The following TCF4 variants were observed in gnomAD, a reference collection of about 807,000 sequenced individuals.
TCF4 encodes the protein SL3-3 enhancer factor 2.
A neutral mutation model predicts 82.1 loss-of-function variants in TCF4; 3 were observed. That is an observed-to-expected ratio of 0.04 (90% CI 0.02 to 0.09). The LOEUF (loss-of-function observed/expected upper bound fraction) is 0.09, where lower values mean the gene tolerates loss of function less well. Ranked by LOEUF, TCF4 falls within the 10% of genes least tolerant of loss-of-function variation. The pLI is 1.00. For missense variants in TCF4, 518 were observed against 852.7 expected (o/e 0.61, Z 4.89); for synonymous variants, 276 against 309.6 (o/e 0.89, Z 1.14).
At chr18:55,233,686 C>CA (rs2048517453) in intron 16 of TCF4, among the ~76,000 whole-genome samples, 1 of 151,710 alleles carries the variant, frequency 6.6e-6, no homozygotes, top group African/African-American at 2.4e-5. Context: ...CATGGTGATG[C>CA]ATGTCTGTAA....
chr18:55,571,761 T>C (rs1212340838), intron 3 of TCF4, among the ~76,000 whole-genome samples: 1 of 150,900 alleles, frequency 6.6e-6, no homozygotes, highest in Admixed American at 6.6e-5. Flanking sequence ...TGTTATTATA[T>C]GTTTTGTTTT....
chr18:55,366,214 T>G (rs1165311343), intron 6 of TCF4, among the ~76,000 whole-genome samples: 1 of 152,346 alleles, frequency 6.6e-6, no homozygotes, highest in South Asian at 2.1e-4. Flanking sequence ...ATTTGTTCAT[T>G]TGAAGGTTCA....
At chr18:55,586,009 G>T in intron 2 of TCF4, 1 of 1,349,426 alleles carries the variant, frequency 7.4e-7, no homozygotes, top group South Asian at 1.4e-5. Flanking sequence ...GCAAAGGAAC[G>T]AATGGAGAAA....
At chr18:55,546,105 G>A (rs1033036465) in intron 3 of TCF4, among the ~76,000 whole-genome samples, 4 of 152,166 alleles carry the variant, frequency 2.6e-5, no homozygotes, top group Non-Finnish European at 4.4e-5. Context: ...GGAGGCCGAG[G>A]CAGGAGAATG....
rs914634777 is a variant in TCF4, at chr18:55,225,593, T to G, written c.*2442A>C. 1 of 152,570 alleles carries G rather than the reference T, an allele frequency of 6.6e-6. No homozygotes were observed. The highest frequency in any genetic ancestry group is 2.4e-5 in the African/African-American group (1 of 41,440). The allele number at this position is 152,570 out of a possible 1,614,324, so 9.5% of individuals were successfully genotyped here. On this transcript the variant is annotated 3_prime_UTR_variant, in exon 20 of 20. Coordinates refer to ENST00000354452, the MANE Select transcript of TCF4 (RefSeq NM_001083962.2). ...TAGACTATACAAAATGAGTGCAGAA[T>G]GTACCACTAAAAGGAAATCTTTAAC...
intron 5 of TCF4, among the ~76,000 whole-genome samples, chr18:55,432,790 C>T (rs2095240983): frequency 6.6e-6 from 1 of 152,146 alleles, no homozygotes; most frequent in Non-Finnish European, 1.5e-5. Context: ...ACCTGAATTC[C>T]ACAGAGGAGT....
chr18:55,351,767 A>G (rs1047758268), intron 6 of TCF4: 3 of 737,250 alleles, frequency 4.1e-6, no homozygotes, highest in Non-Finnish European at 5.0e-6. Context: ...ATAATATTAC[A>G]TTTTCTAAAA....
At chr18:55,440,482 C>T (rs923362325) in intron 5 of TCF4, among the ~76,000 whole-genome samples, 2 of 152,220 alleles carry the variant, frequency 1.3e-5, no homozygotes, top group East Asian at 1.9e-4. Flanking sequence ...TCCCCAACCA[C>T]CTCCTCCTTT....
chr18:55,549,394 GT>G (rs1399384870), intron 3 of TCF4, among the ~76,000 whole-genome samples: 2 of 151,400 alleles, frequency 1.3e-5, no homozygotes, highest in Non-Finnish European at 2.9e-5. Flanking sequence ...CTTAACTCTT[GT>G]AAAACTTTTT....
intron 3 of TCF4, among the ~76,000 whole-genome samples, chr18:55,484,287 C>T (rs955047692): frequency 3.3e-5 from 5 of 152,156 alleles, no homozygotes; most frequent in East Asian, 1.9e-4. Flanking sequence ...AAAACCGCAA[C>T]GGTTTAAATT....
At chr18:55,276,317 A>G (rs536806276) in intron 9 of TCF4, among the ~76,000 whole-genome samples, 3 of 152,236 alleles carry the variant, frequency 2.0e-5, no homozygotes, top group East Asian at 1.9e-4. Context: ...TTCTTAGGAT[A>G]TTTTATTTTT....
intron 8 of TCF4, among the ~76,000 whole-genome samples, chr18:55,312,846 A>G (rs1229082539): frequency 6.6e-6 from 1 of 151,490 alleles, no homozygotes; most frequent in East Asian, 1.9e-4. Flanking sequence ...TACCTTATTT[A>G]AGTTTTTAAT....
chr18:55,586,033 A>C (rs1359222017), intron 2 of TCF4: 1 of 1,375,236 alleles, frequency 7.3e-7, no homozygotes, highest in African/African-American at 1.4e-5. Flanking sequence ...CAACAAGCAG[A>C]AAGGGGGCTG....
chr18:55,329,561 A>T (rs748417810), intron 8 of TCF4, among the ~76,000 whole-genome samples: 2 of 152,232 alleles, frequency 1.3e-5, no homozygotes, highest in Non-Finnish European at 1.5e-5. Flanking sequence ...ACAGTACTAA[A>T]ATAAGAATGA....
intron 5 of TCF4, among the ~76,000 whole-genome samples, chr18:55,437,451 C>T (rs1381153358): frequency 1.3e-5 from 2 of 152,236 alleles, no homozygotes; most frequent in African/African-American, 4.8e-5. Flanking sequence ...TAGAAGTTAT[C>T]CATTTTCTTT....
intron 3 of TCF4, among the ~76,000 whole-genome samples, chr18:55,564,663 A>G (rs1324702294): frequency 6.6e-6 from 1 of 152,218 alleles, no homozygotes; most frequent in South Asian, 2.1e-4. Context: ...AAAATCAAAT[A>G]TAACATACAG....
chr18:55,499,533 A>C (rs1486293920), intron 3 of TCF4, among the ~76,000 whole-genome samples: 1 of 152,178 alleles, frequency 6.6e-6, no homozygotes, highest in Non-Finnish European at 1.5e-5. Context: ...GGACAGAAGT[A>C]CTCTAACTTG....
At position 55,252,824 on chromosome 18, in the gene TCF4, A is replaced by G. The variant is rs79011899; in HGVS notation, c.1350+1673T>C. 7.4e-3 allele frequency among the ~76,000 whole-genome samples: 1,120 copies of G among 152,294 alleles called. 4 individuals carry two copies. Among genetic ancestry groups the G allele is most frequent in the Non-Finnish European group, 0.012 (794 of 68,014 alleles). On this transcript the variant is annotated intron_variant, in intron 15 of 19. Coordinates refer to ENST00000354452, the MANE Select transcript of TCF4 (RefSeq NM_001083962.2). ...CACAGATCTGGCTTTTAATAAAGCC[A>G]GATTTCTTAATTAAAAGCAGTATGT...
At chr18:55,424,448 A>C (rs370954723) in intron 5 of TCF4, among the ~76,000 whole-genome samples, 2 of 152,232 alleles carry the variant, frequency 1.3e-5, no homozygotes, top group Non-Finnish European at 2.9e-5. Context: ...ACTTAAACAC[A>C]AAGTTAGGGA....
Sources: allele counts gnomAD v4.1 joint callset (sites outside exome capture counted in the v4.1 genomes callset), GRCh38; gene constraint gnomAD v4.1.1; transcripts MANE v1.5; gene names NCBI Gene and HGNC (gene_info 2026-07-23, HGNC 2026-07-21).